TVP23A: variants seen among roughly 807,000 people sequenced by gnomAD.
TVP23A encodes the protein Golgi apparatus membrane protein TVP23 homolog A.
In TVP23A, 21 loss-of-function variants were observed where a neutral mutation model predicts 31.7. The observed-to-expected ratio is 0.66, with a 90% CI of 0.47 to 0.95. The LOEUF is 0.95. Ranked by LOEUF, TVP23A falls within the 40% of genes least tolerant of loss-of-function variation. The pLI, the probability that TVP23A is intolerant of heterozygous loss-of-function variation, is 0.00. For missense variants in TVP23A, 279 were observed against 255.6 expected (o/e 1.09, Z -0.62); for synonymous variants, 104 against 96.0 (o/e 1.08, Z -0.49).
chr16:10,803,270 T>TGTGTGTGTGTGTGTGTGTGTGC (rs1567310412), intron 2 of TVP23A, among the ~76,000 whole-genome samples: 2 of 151,948 alleles, frequency 1.3e-5, no homozygotes, highest in East Asian at 3.9e-4. Context: ...TGTGTGTGTG[T>TGTGTGTGTGTGTGTGTGTGTGC]GTGTGTGTGT....
At chr16:10,808,347 G>C (rs552617190) in intron 2 of TVP23A, among the ~76,000 whole-genome samples, 1 of 152,254 alleles carries the variant, frequency 6.6e-6, no homozygotes, top group East Asian at 1.9e-4. Context: ...AAAGTTACTT[G>C]ATTGGCTAGT....
chr16:10,793,985 C>T (rs1164246961), intron 2 of TVP23A, among the ~76,000 whole-genome samples: 1 of 148,686 alleles, frequency 6.7e-6, no homozygotes, highest in Non-Finnish European at 1.5e-5. Context: ...GGTGCCAGCA[C>T]ACTCGGTATC....
chr16:10,798,206 G>T (rs572627865), intron 2 of TVP23A, among the ~76,000 whole-genome samples: 1 of 151,752 alleles, frequency 6.6e-6, no homozygotes, highest in Non-Finnish European at 1.5e-5. Context: ...TTATCTGCCC[G>T]CCTTGGCCTC....
downstream of TVP23A, chr16:10,761,803 T>C (rs1369925368): frequency 1.4e-5 from 23 of 1,613,974 alleles, no homozygotes; most frequent in Non-Finnish European, 1.8e-5. Flanking sequence ...GCGGAGCTCA[T>C]GTGCCAGGAC....
chr16:10,803,836 G>C (rs1011676301), intron 2 of TVP23A, among the ~76,000 whole-genome samples: 6 of 152,122 alleles, frequency 3.9e-5, no homozygotes, highest in Admixed American at 3.3e-4. Flanking sequence ...ATGTAGATTA[G>C]GATCTACAGG....
chr16:10,757,982 G>A (rs751177543), downstream of TVP23A: 58 of 1,613,960 alleles, frequency 3.6e-5, no homozygotes, highest in South Asian at 2.6e-4. This position sits in a 1 kb window ranked among gnomAD's most constrained non-coding sequence, Gnocchi z 4.1. Flanking sequence ...TCCGGTACCT[G>A]GCCACAGCAC....
At chr16:10,771,236 T>TA (rs974260005) in intron 6 of TVP23A, among the ~76,000 whole-genome samples, 2 of 152,072 alleles carry the variant, frequency 1.3e-5, no homozygotes, top group Admixed American at 6.6e-5. Flanking sequence ...ATGTAAATCT[T>TA]ACAATTAAAA....
In TVP23A at chr16:10,770,126, C is replaced by T. The variant is rs543806977; in HGVS notation, c.*146G>A. ...TGCAAAGCCCAGGGCAGGCCCATTG[C>T]CCAGTCTGCTTCCTGCCTGGTCACA... On this transcript the variant is annotated intron_variant, in intron 7 of 7. Transcript: ENST00000299866. 1.6e-5 allele frequency: 16 copies of T among 1,023,082 alleles called. No homozygotes were observed. The East Asian group carries it at 3.5e-4, about 22-fold the overall frequency. 63.4% of individuals were successfully genotyped at this position (1,023,082 alleles called of 1,614,324 possible). A position where few individuals can be genotyped will look rare whatever the true frequency, so the allele number is the denominator to read the frequency against.
Position 10,768,798 on chromosome 16 carries a change from C to G in TVP23A, c.*304G>C. The G allele has an allele frequency of 2.4e-6, 1 of 416,766 alleles. No individual in the cohort carries two copies. Among genetic ancestry groups the G allele is most frequent in the Non-Finnish European group, 4.3e-6 (1 of 234,828 alleles). The allele number at this position is 416,766 out of a possible 1,614,324, so 25.8% of individuals were successfully genotyped here. ...AAGAATGATGTCAAGGGTAAGGAAA[C>G]AGCATTCCCAGAATCCTCCATCTAT... On this transcript the variant is annotated 3_prime_UTR_variant, in exon 8 of 8. Transcript: ENST00000299866. This position sits in a 1 kb window ranked among gnomAD's most constrained non-coding sequence, Gnocchi z 4.3.
rs532458159 is a variant in TVP23A, at chr16:10,803,041, T to C, written c.89+15062A>G. Among the ~76,000 whole-genome samples, 385 of 152,286 alleles carry C rather than the reference T, an allele frequency of 2.5e-3. 1 individual carries two copies. The highest frequency in any genetic ancestry group is 4.1e-3 in the South Asian group (20 of 4,826). ...GCTCATGCCTGTAATCCCAGCACTT[T>C]GGGAGGCTGAGGTGGATGGATCACC... On this transcript the variant is annotated intron_variant, in intron 2 of 7. Transcript: ENST00000299866.
In TVP23A at chr16:10,767,364, T is replaced by C; in HGVS notation, c.*1738A>G. On this transcript the variant is annotated 3_prime_UTR_variant, in exon 8 of 8. Coordinates refer to ENST00000299866, the MANE Select transcript of TVP23A (RefSeq NM_001079512.4). The surrounding 1 kb of genome is among the most constrained non-coding windows in gnomAD (Gnocchi z 4.6). ...TGGCGGGGAAAGACTAGCAGACTGATAGACACCAGCACAGATGACCTGGAA... is the reference window on the plus strand; with the variant it reads ...TGGCGGGGAAAGACTAGCAGACTGACAGACACCAGCACAGATGACCTGGAA... The C allele has an allele frequency of 2.5e-6, 1 of 399,908 alleles. No homozygotes were observed. Among genetic ancestry groups the C allele is most frequent in the South Asian group, 1.3e-4 (1 of 7,900 alleles). The allele number at this position is 399,908 out of a possible 1,614,324, so 24.8% of individuals were successfully genotyped here. A position where few individuals can be genotyped will look rare whatever the true frequency, so the allele number is the denominator to read the frequency against.
Position 10,818,243 on chromosome 16 carries a change from G to A in TVP23A, c.10-61C>T, listed in dbSNP as rs1596597060. On this transcript the variant is annotated intron_variant, in intron 1 of 7. Transcript: ENST00000299866. This position sits in a 1 kb window ranked among gnomAD's most constrained non-coding sequence, Gnocchi z 4.7. ...CACGGCGCACACCCCAACCCCACCC[G>A]CCCTGTCCTCCTGGGCTTGGACTCC... The A allele has an allele frequency of 1.7e-5, 13 of 774,214 alleles. No individual in the cohort carries two copies. The highest frequency in any genetic ancestry group is 1.2e-4 in the African/African-American group (7 of 56,946). 48.0% of individuals were successfully genotyped at this position (774,214 alleles called of 1,614,324 possible).
At chr16:10,757,462 C>T (rs1456725535), downstream of TVP23A, among the ~76,000 whole-genome samples, 4 of 152,118 alleles carry the variant, frequency 2.6e-5, no homozygotes, top group East Asian at 7.7e-4. This position sits in a 1 kb window ranked among gnomAD's most constrained non-coding sequence, Gnocchi z 4.1. Context: ...ATATTTTGAG[C>T]CAGATAAGTC....
intron 2 of TVP23A, among the ~76,000 whole-genome samples, chr16:10,776,051 ATTTT>A: frequency 6.6e-6 from 1 of 150,558 alleles, no homozygotes; most frequent in Non-Finnish European, 1.5e-5. Context: ...GCCTGGCCTT[ATTTT>A]TTTTATTATT....
At chr16:10,805,328 A>G (rs1320130702) in intron 2 of TVP23A, among the ~76,000 whole-genome samples, 1 of 152,038 alleles carries the variant, frequency 6.6e-6, no homozygotes, top group Non-Finnish European at 1.5e-5. Flanking sequence ...CACTGCACCC[A>G]GCCTAATGTG....
chr16:10,799,361 T>A (rs1164105209), intron 2 of TVP23A, among the ~76,000 whole-genome samples: 1 of 152,168 alleles, frequency 6.6e-6, no homozygotes, highest in Non-Finnish European at 1.5e-5. Context: ...TGAGACAGAG[T>A]CTCACTCTGT....
downstream of TVP23A, among the ~76,000 whole-genome samples, chr16:10,762,597 G>A (rs546705361): frequency 4.6e-5 from 7 of 152,300 alleles, no homozygotes; most frequent in East Asian, 1.9e-4. Flanking sequence ...GGGCTCCTGC[G>A]GGGCGTCCAG....
rs1357782263 is a variant in TVP23A, at chr16:10,818,562, T to C, written c.-69A>G. Reference sequence around the variant, plus strand: ...GCTCCGCCCGTCGCCGCTGAAGGGGTCGGACGCCGGGCGGGCGGATGTAGG... The same window carrying C: ...GCTCCGCCCGTCGCCGCTGAAGGGGCCGGACGCCGGGCGGGCGGATGTAGG... On this transcript the variant is annotated 5_prime_UTR_variant, in exon 1 of 8. Coordinates refer to ENST00000299866, the MANE Select transcript of TVP23A (RefSeq NM_001079512.4). The surrounding 1 kb of genome is among the most constrained non-coding windows in gnomAD (Gnocchi z 4.7). The C allele has an allele frequency of 3.2e-6, 5 of 1,560,216 alleles. No individual in the cohort carries two copies. Among genetic ancestry groups the C allele is most frequent in the Admixed American group, 1.9e-5 (1 of 53,906 alleles).
At chr16:10,813,071 C>A (rs138288553) in intron 2 of TVP23A, among the ~76,000 whole-genome samples, 1 of 152,218 alleles carries the variant, frequency 6.6e-6, no homozygotes, top group Non-Finnish European at 1.5e-5. Context: ...CTGCACCTCA[C>A]TGACCTGGAA....
Sources: allele counts gnomAD v4.1 joint callset (sites outside exome capture counted in the v4.1 genomes callset), GRCh38; gene constraint gnomAD v4.1.1; non-coding constraint Gnocchi (gnomAD v3.1); transcripts MANE v1.5; gene names NCBI Gene and HGNC (gene_info 2026-07-23, HGNC 2026-07-21).